Variants in GRM7 observed in about 807,000 individuals in gnomAD.
GRM7 encodes the protein metabotropic glutamate receptor 7.
Under a neutral mutation model 84.5 loss-of-function variants are expected in GRM7, and 35 were observed. The ratio of observed to expected loss-of-function variants is 0.41; its 90% CI spans 0.32 to 0.55. The LOEUF is 0.55. GRM7 is among the 20% of genes least tolerant of loss of function. The pLI, the probability that GRM7 is intolerant of heterozygous loss-of-function variation, is 0.19. For missense variants in GRM7, 1,003 were observed against 1,194.6 expected (o/e 0.84, Z 2.36); for synonymous variants, 487 against 455.1 (o/e 1.07, Z -0.89).
intron 9 of GRM7, among the ~76,000 whole-genome samples, chr3:7,735,081 G>A (rs1403453550): frequency 6.6e-6 from 1 of 152,072 alleles, no homozygotes; most frequent in African/African-American, 2.4e-5. Flanking sequence ...TTTAGTAACT[G>A]CAAACCATAA....
At chr3:7,335,411 G>T (rs923747074) in intron 4 of GRM7, among the ~76,000 whole-genome samples, 3 of 152,018 alleles carry the variant, frequency 2.0e-5, no homozygotes, top group Non-Finnish European at 2.9e-5. Context: ...AGCAAAAGTG[G>T]TGATAATAAG....
intron 1 of GRM7, among the ~76,000 whole-genome samples, chr3:7,068,663 T>C (rs1303577759): frequency 6.6e-6 from 1 of 152,012 alleles, no homozygotes; most frequent in Non-Finnish European, 1.5e-5. Flanking sequence ...TGAATAGGGT[T>C]TTCATGTTCT....
intron 4 of GRM7, among the ~76,000 whole-genome samples, chr3:7,336,023 G>C (rs1233794175): frequency 6.6e-6 from 1 of 151,812 alleles, no homozygotes; most frequent in Non-Finnish European, 1.5e-5. Context: ...ATGATAAAGA[G>C]GGAATTCTCC....
chr3:6,886,754 G>A lies in GRM7; in HGVS notation c.519+24847G>A, dbSNP rs143972922. Among the ~76,000 whole-genome samples, 663 of 151,096 alleles carry A rather than the reference G, an allele frequency of 4.4e-3. 6 individuals carry two copies. The highest frequency in any genetic ancestry group is 0.015 in the African/African-American group (618 of 41,200). On this transcript the variant is annotated intron_variant, in intron 1 of 9. Coordinates refer to ENST00000357716, the MANE Select transcript of GRM7 (RefSeq NM_000844.4). ...TATCATTACTCTGTTAATTCTTGCA[G>A]TAATTTAACTGGTCAGTAACAATAA...
intron 9 of GRM7, among the ~76,000 whole-genome samples, chr3:7,714,469 T>C (rs561579803): frequency 6.6e-5 from 10 of 152,266 alleles, no homozygotes; most frequent in South Asian, 2.1e-4. Context: ...CCTTGCTACA[T>C]TGAATGTTTG....
chr3:7,389,751 G>A (rs1694918482), intron 4 of GRM7, among the ~76,000 whole-genome samples: 1 of 150,804 alleles, frequency 6.6e-6, no homozygotes, highest in African/African-American at 2.4e-5. Flanking sequence ...GTCATTATAT[G>A]TGAGATGGAT....
chr3:7,283,369 A>T (rs1322249604), intron 2 of GRM7, among the ~76,000 whole-genome samples: 1 of 151,230 alleles, frequency 6.6e-6, no homozygotes, highest in Non-Finnish European at 1.5e-5. Context: ...GGCATGCTAA[A>T]TGCTCATTAA....
chr3:7,285,790 A>G (rs139949445), intron 2 of GRM7, among the ~76,000 whole-genome samples: 10 of 152,188 alleles, frequency 6.6e-5, no homozygotes, highest in Admixed American at 2.0e-4. Flanking sequence ...TTGGTTCTTT[A>G]TGCCTTTCCA....
At chr3:7,237,740 G>C (rs997386387) in intron 2 of GRM7, among the ~76,000 whole-genome samples, 6 of 152,158 alleles carry the variant, frequency 3.9e-5, no homozygotes, top group Non-Finnish European at 8.8e-5. Context: ...AAGTGGACCC[G>C]AGTGGGTTGC....
At chr3:7,000,314 G>A (rs1036978629) in intron 1 of GRM7, among the ~76,000 whole-genome samples, 1 of 151,736 alleles carries the variant, frequency 6.6e-6, no homozygotes, top group Non-Finnish European at 1.5e-5. Flanking sequence ...TGAGATTACA[G>A]GTGCCTGCAA....
chr3:7,602,329 A>G (rs753434018), intron 8 of GRM7, among the ~76,000 whole-genome samples: 1 of 152,148 alleles, frequency 6.6e-6, no homozygotes, highest in African/African-American at 2.4e-5. Context: ...AACCTGTGAA[A>G]TAAAGGCTGT....
At chr3:7,705,735 T>C (rs1006724743) in intron 9 of GRM7, among the ~76,000 whole-genome samples, 4 of 152,078 alleles carry the variant, frequency 2.6e-5, no homozygotes, top group African/African-American at 9.7e-5. Flanking sequence ...CCTCAGGAAG[T>C]GTGGTTCAAG....
chr3:6,945,746 A>T (rs1698053765), intron 1 of GRM7, among the ~76,000 whole-genome samples: 1 of 152,130 alleles, frequency 6.6e-6, no homozygotes, highest in Non-Finnish European at 1.5e-5. Flanking sequence ...CTTTTTAATG[A>T]TCGCCATTCT....
chr3:7,190,707 A>C (rs138921897), intron 2 of GRM7, among the ~76,000 whole-genome samples: 2,219 of 152,124 alleles, frequency 0.015, 18 homozygotes, highest in Non-Finnish European at 0.022. Context: ...TAATATATAT[A>C]TATTTTTTCT....
At chr3:7,568,746 G>A (rs372416009) in intron 7 of GRM7, among the ~76,000 whole-genome samples, 11 of 152,292 alleles carry the variant, frequency 7.2e-5, no homozygotes, top group Admixed American at 2.0e-4. Flanking sequence ...CCGGGCCAGC[G>A]GTTGCGGAGG....
At chr3:7,449,980 A>AT (rs1166894091) in intron 5 of GRM7, among the ~76,000 whole-genome samples, 3 of 152,136 alleles carry the variant, frequency 2.0e-5, no homozygotes, top group African/African-American at 4.8e-5. Flanking sequence ...AAATGAATAA[A>AT]TTTTTATTTG....
chr3:7,622,289 C>A (rs1240017392), intron 8 of GRM7, among the ~76,000 whole-genome samples: 1 of 152,118 alleles, frequency 6.6e-6, no homozygotes, highest in African/African-American at 2.4e-5. Context: ...CACTCCTGAG[C>A]CTTCCCTTCA....
At chr3:7,225,056 C>T (rs1474603084) in intron 2 of GRM7, among the ~76,000 whole-genome samples, 4 of 152,104 alleles carry the variant, frequency 2.6e-5, no homozygotes, top group Non-Finnish European at 4.4e-5. Context: ...GCATAATATA[C>T]TAAACTACCT....
chr3:7,415,358 CT>C (rs1696118582), intron 5 of GRM7, among the ~76,000 whole-genome samples, 195 bp downstream of exon 5: 2 of 152,120 alleles, frequency 1.3e-5, no homozygotes, highest in Admixed American at 1.3e-4. Context: ...GTATTCTTTT[CT>C]GCCTATCTAG....
Sources: allele counts gnomAD v4.1 joint callset (sites outside exome capture counted in the v4.1 genomes callset), GRCh38; gene constraint gnomAD v4.1.1; transcripts MANE v1.5; gene names NCBI Gene and HGNC (gene_info 2026-07-23, HGNC 2026-07-21).